MLLT3: variants seen among roughly 807,000 people sequenced by gnomAD.
MLLT3 encodes the protein protein AF-9.
MLLT3 carries 4 observed loss-of-function variants against 53.2 expected under a neutral mutation model. That is an observed-to-expected ratio of 0.08 (90% CI 0.04 to 0.17). The LOEUF is 0.17. Among genes scored for constraint, MLLT3 ranks in the 10% least tolerant of loss-of-function variants. The probability of loss-of-function intolerance (pLI) is 1.00; values close to 1 mark genes in which losing one functional copy is unlikely to be tolerated. For missense variants in MLLT3, 569 were observed against 684.0 expected, an observed-to-expected ratio of 0.83 and a Z score of 1.87; for synonymous variants, 283 against 230.6, an observed-to-expected ratio of 1.23 and a Z score of -2.06.
chr9:20,347,354 A>C (rs941540257), intron 10 of MLLT3, among the ~76,000 whole-genome samples: 3 of 152,216 alleles, frequency 2.0e-5, no homozygotes, highest in Admixed American at 1.3e-4. Flanking sequence ...TAAATATTTA[A>C]GGTATTCAAT....
chr9:20,470,911 C>CA (rs1313272526), intron 2 of MLLT3, among the ~76,000 whole-genome samples: 1 of 151,946 alleles, frequency 6.6e-6, no homozygotes, highest in African/African-American at 2.4e-5. Context: ...CTACTTGCAA[C>CA]AAAAAGCAGT....
chr9:20,365,311 A>G (rs1350318058), intron 6 of MLLT3, among the ~76,000 whole-genome samples: 1 of 152,132 alleles, frequency 6.6e-6, no homozygotes, highest in Non-Finnish European at 1.5e-5. Context: ...TGATAAATCA[A>G]GACATTAAGA....
chr9:20,559,978 C>T (rs972385189), intron 2 of MLLT3, among the ~76,000 whole-genome samples: 2 of 152,164 alleles, frequency 1.3e-5, no homozygotes, highest in African/African-American at 2.4e-5. Flanking sequence ...CTCTGTGCCA[C>T]TGGTTTCTTC....
chr9:20,615,375 A>AC (rs1820805691), intron 2 of MLLT3, among the ~76,000 whole-genome samples: 3 of 147,366 alleles, frequency 2.0e-5, no homozygotes, highest in African/African-American at 7.7e-5. Context: ...AAAAAAAAAA[A>AC]AAAAAAAAAA....
At chr9:20,472,677 T>A (rs2118891124) in intron 2 of MLLT3, among the ~76,000 whole-genome samples, 1 of 152,186 alleles carries the variant, frequency 6.6e-6, no homozygotes, top group East Asian at 1.9e-4. Flanking sequence ...CAGTTCTTGT[T>A]AACAACCAAA....
At chr9:20,350,003 T>A (rs1489566164) in intron 10 of MLLT3, among the ~76,000 whole-genome samples, 2 of 152,238 alleles carry the variant, frequency 1.3e-5, no homozygotes, top group African/African-American at 4.8e-5. Context: ...TTAGAGCATG[T>A]GCCCACATCC....
At chr9:20,464,709 T>C (rs1476871772) in intron 2 of MLLT3, among the ~76,000 whole-genome samples, 1 of 152,020 alleles carries the variant, frequency 6.6e-6, no homozygotes, top group Non-Finnish European at 1.5e-5. Context: ...AAATGACATT[T>C]ATATTGGTTA....
At position 20,386,681 on chromosome 9, in the gene MLLT3, G is replaced by A. The variant is rs544101059; in HGVS notation, c.1126-20937C>T. 3.3e-5 allele frequency among the ~76,000 whole-genome samples: 5 copies of A among 152,278 alleles called. No homozygotes were observed. In the South Asian group the frequency reaches 1.0e-3, roughly 32 times the overall value. On this transcript the variant is annotated intron_variant, in intron 5 of 10. Coordinates refer to ENST00000380338, the MANE Select transcript of MLLT3 (RefSeq NM_004529.4). The stretch of plus-strand genomic sequence containing the variant: ...GAATGAGACAGCCAAGTGAATATGT[G>A]ACTACATCAAATATTCTAGACCCCA...
At chr9:20,350,634 T>TTTTCC (rs1820999780) in intron 10 of MLLT3, among the ~76,000 whole-genome samples, 1 of 150,820 alleles carries the variant, frequency 6.6e-6, no homozygotes, top group Admixed American at 6.6e-5. Flanking sequence ...CAGGTACATA[T>TTTTCC]GGGTAGTGGA....
At chr9:20,472,158 T>C (rs1189300230) in intron 2 of MLLT3, among the ~76,000 whole-genome samples, 2 of 152,128 alleles carry the variant, frequency 1.3e-5, no homozygotes, top group South Asian at 2.1e-4. Flanking sequence ...TTTGTTTTTA[T>C]GTTAAAACCC....
At chr9:20,539,898 A>G (rs1025010489) in intron 2 of MLLT3, among the ~76,000 whole-genome samples, 1 of 152,218 alleles carries the variant, frequency 6.6e-6, no homozygotes, top group Non-Finnish European at 1.5e-5. Flanking sequence ...TCCATCTAGA[A>G]GCCTATAAAA....
rs116007050 is a variant in MLLT3, at chr9:20,528,776, C to T, written c.194-71990G>A. On this transcript the variant is annotated intron_variant, in intron 2 of 10. Coordinates refer to ENST00000380338, the MANE Select transcript of MLLT3 (RefSeq NM_004529.4). ...CTTTATCTCAAGATCCTTAATTTAC[C>T]GCATCTGCAAGGATCCTTTTTCCAA... Among the ~76,000 whole-genome samples, 669 of 152,206 alleles carry T rather than the reference C, an allele frequency of 4.4e-3. 4 individuals carry two copies. Among genetic ancestry groups the T allele is most frequent in the African/African-American group, 0.014 (585 of 41,512 alleles).
intron 2 of MLLT3, among the ~76,000 whole-genome samples, chr9:20,491,433 T>C (rs1198611230): frequency 6.6e-6 from 1 of 151,952 alleles, no homozygotes; most frequent in Non-Finnish European, 1.5e-5. Context: ...AAAATCCAGA[T>C]AAACGCAATA....
chr9:20,570,828 T>G (rs1819514400), intron 2 of MLLT3, among the ~76,000 whole-genome samples: 1 of 149,830 alleles, frequency 6.7e-6, no homozygotes, highest in Non-Finnish European at 1.5e-5. Flanking sequence ...CCATATTTTC[T>G]TACTTTTTTT....
intron 4 of MLLT3, among the ~76,000 whole-genome samples, chr9:20,425,474 C>G (rs1390615037): frequency 6.6e-6 from 1 of 152,084 alleles, no homozygotes; most frequent in African/African-American, 2.4e-5. Context: ...ACTTTATCCT[C>G]TTCCTTTTCA....
chr9:20,379,535 T>C (rs180948252), intron 5 of MLLT3, among the ~76,000 whole-genome samples: 8 of 152,216 alleles, frequency 5.3e-5, no homozygotes, highest in Admixed American at 3.3e-4. Context: ...AGTCTCAATA[T>C]TGTGCAGGAA....
At chr9:20,473,544 T>A (rs1465046999) in intron 2 of MLLT3, among the ~76,000 whole-genome samples, 2 of 152,024 alleles carry the variant, frequency 1.3e-5, no homozygotes. Context: ...ATAGACACAG[T>A]CAGGGAAGGA....
chr9:20,612,043 G>C (rs762520813), intron 2 of MLLT3, among the ~76,000 whole-genome samples: 1 of 152,014 alleles, frequency 6.6e-6, no homozygotes, highest in Non-Finnish European at 1.5e-5. Flanking sequence ...ATCTACCATG[G>C]TTACCACCAC....
intron 2 of MLLT3, among the ~76,000 whole-genome samples, chr9:20,548,921 C>T (rs1033605763): frequency 2.6e-5 from 4 of 151,772 alleles, no homozygotes; most frequent in African/African-American, 9.7e-5. Context: ...CTCAGCTGAT[C>T]CTCCCACTTT....
Sources: gnomAD v4.1 joint callset for allele counts (sites outside exome capture counted in the v4.1 genomes callset) on GRCh38, gnomAD v4.1.1 for gene constraint, MANE v1.5 for transcripts, NCBI Gene and HGNC (gene_info 2026-07-23, HGNC 2026-07-21) for gene names.